The following CAMKK2 variants were observed in gnomAD, a reference collection of about 807,000 sequenced individuals.
The protein encoded by CAMKK2 is calcium/calmodulin dependent protein kinase kinase 2.
A neutral mutation model predicts 67.2 loss-of-function variants in CAMKK2; 30 were observed. The observed-to-expected ratio is 0.45, with a 90% confidence interval of 0.33 to 0.61. The LOEUF (loss-of-function observed/expected upper bound fraction) is 0.61. Ranked by LOEUF, CAMKK2 falls within the 20% of genes least tolerant of loss-of-function variation. The pLI is 0.02. For synonymous variants in CAMKK2, 322 were observed against 326.2 expected (o/e 0.99, Z 0.14); for missense variants, 643 against 802.0 (o/e 0.80, Z 2.39).
intron 2 of CAMKK2, among the ~76,000 whole-genome samples, chr12:121,273,379 G>A (rs2136431037): frequency 6.6e-6 from 1 of 152,164 alleles, no homozygotes; most frequent in East Asian, 1.9e-4. Flanking sequence ...TTAGGGAGCT[G>A]GCAGCAGAAT....
chr12:121,279,777 G>A (rs765141442), intron 1 of CAMKK2, among the ~76,000 whole-genome samples: 9 of 152,128 alleles, frequency 5.9e-5, no homozygotes, highest in Non-Finnish European at 1.2e-4. Flanking sequence ...AGCTCATCAC[G>A]AGCCACCAGA....
Position 121,245,741 on chromosome 12 carries a change from G to A in CAMKK2, c.1453-501C>T, listed in dbSNP as rs1313190117. 3.3e-5 allele frequency among the ~76,000 whole-genome samples: 5 copies of A among 152,342 alleles called. No individual in the cohort carries two copies. The highest frequency in any genetic ancestry group is 3.9e-4 in the East Asian group (2 of 5,190). ...CCTCACCCCACCCCAACCAGGGCAC[G>A]GTGCCCCTTCAAGCTGTTTTGGGAA... On this transcript the variant is annotated intron_variant, in intron 14 of 16. Coordinates refer to ENST00000404169, the MANE Select transcript of CAMKK2 (RefSeq NM_001270485.2). The surrounding 1 kb of genome is among the most constrained non-coding windows in gnomAD (Gnocchi z 5.8).
intron 16 of CAMKK2, among the ~76,000 whole-genome samples, chr12:121,241,688 G>C (rs907804750): frequency 1.3e-5 from 2 of 152,230 alleles, no homozygotes; most frequent in African/African-American, 2.4e-5. Context: ...GTCCAGGAGG[G>C]AGACTGTCCT....
At chr12:121,292,189 G>A (rs551324655) in intron 1 of CAMKK2, among the ~76,000 whole-genome samples, 46 of 151,488 alleles carry the variant, frequency 3.0e-4, no homozygotes, top group African/African-American at 1.0e-3. Flanking sequence ...GCAGTGGCAC[G>A]ATCTTGGCTC....
intron 6 of CAMKK2, among the ~76,000 whole-genome samples, chr12:121,262,699 A>C (rs566493032): frequency 6.6e-6 from 1 of 151,830 alleles, no homozygotes; most frequent in Non-Finnish European, 1.5e-5. Flanking sequence ...GCTGGGACCA[A>C]AGGCGTGCAC....
rs1891237306 is a variant in CAMKK2 at position 121,253,559 on chromosome 12, G to A, written c.908-87C>T. The A allele has an allele frequency of 2.9e-5, 33 of 1,127,216 alleles. No individual in the cohort carries two copies. In the South Asian group the frequency reaches 3.9e-4, roughly 13 times the overall value. The allele number at this position is 1,127,216 out of a possible 1,614,324, so 69.8% of individuals were successfully genotyped here. A position where few individuals can be genotyped will look rare whatever the true frequency, so the allele number is the denominator to read the frequency against. On this transcript the variant is annotated intron_variant, in intron 9 of 16. Transcript: ENST00000404169. The surrounding 1 kb of genome is among the most constrained non-coding windows in gnomAD (Gnocchi z 5.0). ...GCGGCCACATGGCCTGGAGACACAG[G>A]CATGGCACCCCTCTGATGCCTTGTC... is the stretch of plus-strand genomic sequence containing the variant.
intron 1 of CAMKK2, among the ~76,000 whole-genome samples, chr12:121,293,626 A>T (rs949942702): frequency 6.6e-5 from 10 of 151,430 alleles, no homozygotes; most frequent in African/African-American, 2.4e-4. Context: ...CTGGCCACTC[A>T]TCTTCCATCT....
At chr12:121,294,155 A>G (rs996530665) in intron 1 of CAMKK2, among the ~76,000 whole-genome samples, 5 of 150,834 alleles carry the variant, frequency 3.3e-5, no homozygotes, top group Non-Finnish European at 7.4e-5. Context: ...CTGGTCTCGA[A>G]CTCCTGACCT....
rs1895629230 is a variant in CAMKK2, at chr12:121,270,891, TA to T, written c.519+6del. On this transcript the variant is annotated splice_donor_region_variant and intron_variant, in intron 3 of 16. Transcript: ENST00000404169. ...CAGAAAGCCAGCCTAGCCCCAGGGA[TA>T]TTTACCTTTCCAATTTCATCCTTCA... The T allele has an allele frequency of 8.7e-6, 14 of 1,611,242 alleles. No individual in the cohort carries two copies. Among genetic ancestry groups the T allele is most frequent in the Non-Finnish European group, 1.1e-5 (13 of 1,177,448 alleles).
chr12:121,276,174 AGAG>A (rs776855687), intron 1 of CAMKK2, among the ~76,000 whole-genome samples: 2 of 140,336 alleles, frequency 1.4e-5, no homozygotes, highest in African/African-American at 2.7e-5. Context: ...AAAAAAAAAA[AGAG>A]AGAGAAGTCG....
chr12:121,265,275 G>A (rs1043996685), intron 5 of CAMKK2, among the ~76,000 whole-genome samples: 4 of 152,136 alleles, frequency 2.6e-5, no homozygotes. Context: ...GAGGGAGGAT[G>A]TGAAAGGAGG....
rs201358579 is a variant in CAMKK2, at chr12:121,240,557, A to C, written c.*142T>G. 1.3e-6 allele frequency: 2 copies of C among 1,533,232 alleles called. No individual in the cohort carries two copies. The highest frequency in any genetic ancestry group is 1.7e-6 in the Non-Finnish European group (2 of 1,146,258). The allele number at this position is 1,533,232 out of a possible 1,614,324, so 95.0% of individuals were successfully genotyped here. A position where few individuals can be genotyped will look rare whatever the true frequency, so the allele number is the denominator to read the frequency against. On this transcript the variant is annotated 3_prime_UTR_variant, in exon 17 of 17. Coordinates refer to ENST00000404169, the MANE Select transcript of CAMKK2 (RefSeq NM_001270485.2). This position sits in a 1 kb window ranked among gnomAD's most constrained non-coding sequence, Gnocchi z 4.4. ...TTTTTTGTCCCCTTTAAAACAACAA[A>C]GGAAAAAACAAATAACCAGAGATGA...
At chr12:121,257,627 G>A (rs1345706136) in intron 7 of CAMKK2, among the ~76,000 whole-genome samples, 1 of 152,102 alleles carries the variant, frequency 6.6e-6, no homozygotes, top group Non-Finnish European at 1.5e-5. Flanking sequence ...CAAAAAGAAG[G>A]CTTAAAGGTT....
chr12:121,273,191 G>A lies in CAMKK2; in HGVS notation c.471+865C>T, dbSNP rs147261339. On this transcript the variant is annotated intron_variant, in intron 2 of 16. Coordinates refer to ENST00000404169, the MANE Select transcript of CAMKK2 (RefSeq NM_001270485.2). ...GAGGGTGCTTTAGGGATGGTGGCCCGGGAAGCCTTTTGGAGGAGGTGATAC... is the reference window on the plus strand; with the variant it reads ...GAGGGTGCTTTAGGGATGGTGGCCCAGGAAGCCTTTTGGAGGAGGTGATAC... Among the ~76,000 whole-genome samples the A allele has an allele frequency of 2.7e-3, 411 of 152,214 alleles. 1 individual carries two copies. Among genetic ancestry groups the A allele is most frequent in the East Asian group, 0.012 (64 of 5,178 alleles).
chr12:121,273,053 C>T (rs1896072502), intron 2 of CAMKK2, among the ~76,000 whole-genome samples: 5 of 152,238 alleles, frequency 3.3e-5, no homozygotes, highest in South Asian at 2.1e-4. Flanking sequence ...ATGGAGCTTA[C>T]GTTCTGGCTG....
At chr12:121,255,289 ATTATATATATAATTTTATATATAATT>A (rs1566058985) in intron 9 of CAMKK2, among the ~76,000 whole-genome samples, 5 of 6,594 alleles carry the variant, frequency 7.6e-4, no homozygotes, top group African/African-American at 1.7e-3. Context: ...TATATATATA[ATTATATATATAATTTTATATATAATT>A]TTATATATAT....
chr12:121,273,925 G>T, intron 2 of CAMKK2, 131 bp downstream of exon 2: 1 of 702,172 alleles, frequency 1.4e-6, no homozygotes, highest in Non-Finnish European at 2.2e-6. Flanking sequence ...AAGGTTCCCT[G>T]GAGTCAACTC....
At chr12:121,258,387 C>T (rs1254339006) in intron 7 of CAMKK2, among the ~76,000 whole-genome samples, 4 of 152,028 alleles carry the variant, frequency 2.6e-5, no homozygotes, top group Non-Finnish European at 5.9e-5. Context: ...GGCTAGAGTG[C>T]AGTGGCACAA....
At chr12:121,248,436 G>A (rs978555687) in intron 14 of CAMKK2, among the ~76,000 whole-genome samples, 170 bp downstream of exon 14, 15 of 152,204 alleles carry the variant, frequency 9.9e-5, no homozygotes, top group African/African-American at 3.6e-4. Flanking sequence ...GAAGATGCAG[G>A]GGTCACCTGG....
Sources: allele counts gnomAD v4.1 joint callset (sites outside exome capture counted in the v4.1 genomes callset), GRCh38; gene constraint gnomAD v4.1.1; non-coding constraint Gnocchi (gnomAD v3.1); transcripts MANE v1.5; gene names NCBI Gene and HGNC (gene_info 2026-07-23, HGNC 2026-07-21).